The following FGD4 variants were observed in gnomAD, a reference collection of about 807,000 sequenced individuals.
The protein encoded by FGD4 is FYVE, RhoGEF and PH domain containing 4, also known as FYVE, RhoGEF and PH domain-containing protein 4.
Under a neutral mutation model 102.0 loss-of-function variants are expected in FGD4, and 42 were observed. The observed-to-expected ratio is 0.41, with a 90% confidence interval of 0.32 to 0.53. The LOEUF (loss-of-function observed/expected upper bound fraction) is 0.53, where lower values mean the gene tolerates loss of function less well. Ranked by LOEUF, FGD4 falls within the 20% of genes least tolerant of loss-of-function variation. The pLI is 0.21. For missense variants in FGD4, 902 were observed against 1,078.2 expected, an observed-to-expected ratio of 0.84 and a Z score of 2.29; for synonymous variants, 380 against 375.7, an observed-to-expected ratio of 1.01 and a Z score of -0.13.
At chr12:32,518,316 T>A (rs1482346644) in intron 1 of FGD4, among the ~76,000 whole-genome samples, 1 of 152,148 alleles carries the variant, frequency 6.6e-6, no homozygotes, top group Admixed American at 6.5e-5. Flanking sequence ...CCGTCTCTAC[T>A]AAAAATACAA....
At chr12:32,451,513 A>G (rs74884250) in intron 1 of FGD4, among the ~76,000 whole-genome samples, 5,808 of 152,252 alleles carry the variant, frequency 0.038, 172 homozygotes, top group South Asian at 0.12. Context: ...TTTTAAAATT[A>G]TATCAAAGAG....
At chr12:32,622,939 C>T (rs993927073) in intron 11 of FGD4, among the ~76,000 whole-genome samples, 2 of 152,108 alleles carry the variant, frequency 1.3e-5, no homozygotes, top group African/African-American at 4.8e-5. Context: ...CCAAGAAAGT[C>T]AGAGTGCCAT....
intron 1 of FGD4, among the ~76,000 whole-genome samples, chr12:32,523,804 CT>C (rs1940804258): frequency 6.6e-6 from 1 of 151,408 alleles, no homozygotes; most frequent in Non-Finnish European, 1.5e-5. Flanking sequence ...GAAACCCCGA[CT>C]CTGCTAAAAA....
At chr12:32,499,581 G>T (rs1938036908) in intron 1 of FGD4, among the ~76,000 whole-genome samples, 2 of 152,142 alleles carry the variant, frequency 1.3e-5, no homozygotes, top group Non-Finnish European at 2.9e-5. Context: ...TAAAAAATAT[G>T]TATAAGAGGA....
chr12:32,619,342 T>C (rs1592429704), intron 10 of FGD4, among the ~76,000 whole-genome samples: 1 of 152,122 alleles, frequency 6.6e-6, no homozygotes, highest in East Asian at 1.9e-4. Context: ...AATTGATCTG[T>C]TTCCAGCCGG....
intron 4 of FGD4, among the ~76,000 whole-genome samples, chr12:32,584,208 G>A (rs1300818660): frequency 6.6e-6 from 1 of 152,178 alleles, no homozygotes; most frequent in Admixed American, 6.5e-5. Flanking sequence ...TCTCTGCAGA[G>A]CGGTTGATGC....
At chr12:32,537,631 C>G (rs1052712747) in intron 1 of FGD4, among the ~76,000 whole-genome samples, 1 of 152,198 alleles carries the variant, frequency 6.6e-6, no homozygotes, top group African/African-American at 2.4e-5. Flanking sequence ...AATATGCTCC[C>G]TAGTCTATCC....
At chr12:32,577,751 C>T (rs567419500) in intron 3 of FGD4, among the ~76,000 whole-genome samples, 2 of 151,828 alleles carry the variant, frequency 1.3e-5, no homozygotes, top group Admixed American at 6.6e-5. Context: ...CCATTTAAAA[C>T]TTTTTTTTTG....
At position 32,407,972 on chromosome 12, in the gene FGD4, CTTTATTTA is replaced by C. The variant is rs59676286; in HGVS notation, c.166+8046_166+8053del. 7.3e-3 allele frequency among the ~76,000 whole-genome samples: 1,069 copies of C among 145,628 alleles called. 11 individuals carry two copies. The highest frequency in any genetic ancestry group is 0.036 in the South Asian group (160 of 4,500). On this transcript the variant is annotated intron_variant, in intron 1 of 16. Transcript: ENST00000534526. ...TCACCCCCAATGAGGTAATCCTAGACTTTATTTATTTATTTATTTATTTATTTATTTAT... is the reference window on the plus strand; with the variant it reads ...TCACCCCCAATGAGGTAATCCTAGACTTTATTTATTTATTTATTTATTTAT...
rs1346461540 is a variant in FGD4 at position 32,544,676 on chromosome 12, G to C, written c.167-19461G>C. 6.6e-6 allele frequency among the ~76,000 whole-genome samples: 1 copy of C among 151,970 alleles called. No homozygotes were observed. Among genetic ancestry groups the C allele is most frequent in the Non-Finnish European group, 1.5e-5 (1 of 68,020 alleles). ...TGAGCCAGGAAGTGGAGGTTGCAGT[G>C]AGTTGAGATCGCACCATTGCACTCC... On this transcript the variant is annotated intron_variant, in intron 1 of 16. Transcript: ENST00000534526. This position sits in a 1 kb window ranked among gnomAD's most constrained non-coding sequence, Gnocchi z 4.1.
At chr12:32,639,216 T>C (rs7306370) in intron 16 of FGD4, among the ~76,000 whole-genome samples, 66,674 of 152,094 alleles carry the variant, frequency 0.44, 15,009 homozygotes, top group Middle Eastern at 0.62. Flanking sequence ...CAGGCTATAG[T>C]GCAATGGTGC....
At chr12:32,571,032 C>CT (rs1418122443) in intron 2 of FGD4, among the ~76,000 whole-genome samples, 6 of 152,174 alleles carry the variant, frequency 3.9e-5, no homozygotes, top group African/African-American at 1.4e-4. Context: ...AGGTCGGGTT[C>CT]TTTCGTGTGT....
At chr12:32,626,684 A>G (rs931793045) in intron 14 of FGD4, among the ~76,000 whole-genome samples, 1 of 152,150 alleles carries the variant, frequency 6.6e-6, no homozygotes, top group Non-Finnish European at 1.5e-5. Flanking sequence ...CCACAGTACA[A>G]GTAGATGTTC....
chr12:32,498,863 A>C (rs1015490135), intron 1 of FGD4, among the ~76,000 whole-genome samples: 3 of 152,194 alleles, frequency 2.0e-5, no homozygotes, highest in Non-Finnish European at 2.9e-5. Flanking sequence ...GGCCTCCCAA[A>C]GTGCTGGGAT....
At chr12:32,638,518 T>C (rs1185980311) in intron 15 of FGD4, 137 bp from the exon 16 acceptor site, 3 of 1,194,224 alleles carry the variant, frequency 2.5e-6, no homozygotes, top group Admixed American at 4.2e-5. Flanking sequence ...CATGTTAAAA[T>C]GTTTAAACAA....
In FGD4 at chr12:32,615,649, G is replaced by C. The variant is rs147139129; in HGVS notation, c.1750-4049G>C. ...ACTGCCATCGGAAGGGCAGATCGGGGTGGGGTGGGGGTGTGGCATATGAAG... is the reference window on the plus strand; with the variant it reads ...ACTGCCATCGGAAGGGCAGATCGGGCTGGGGTGGGGGTGTGGCATATGAAG... On this transcript the variant is annotated intron_variant, in intron 10 of 16. Transcript: ENST00000534526. 4.7e-4 allele frequency among the ~76,000 whole-genome samples: 72 copies of C among 152,086 alleles called. 1 individual carries two copies. The East Asian group carries it at 0.012, about 26-fold the overall frequency.
intron 1 of FGD4, among the ~76,000 whole-genome samples, chr12:32,413,546 C>G (rs1287944237): frequency 2.0e-5 from 3 of 152,154 alleles, no homozygotes; most frequent in African/African-American, 7.2e-5. Flanking sequence ...GAGGAAGGCA[C>G]ACTTTGGACT....
intron 1 of FGD4, among the ~76,000 whole-genome samples, chr12:32,403,535 G>A (rs1215105536): frequency 1.3e-5 from 2 of 150,780 alleles, no homozygotes; most frequent in African/African-American, 2.4e-5. Flanking sequence ...TGAGGATGAA[G>A]TATGCTGTGT....
chr12:32,573,318 A>C (rs187004985), intron 2 of FGD4, among the ~76,000 whole-genome samples: 2 of 152,150 alleles, frequency 1.3e-5, no homozygotes, highest in East Asian at 3.9e-4. Flanking sequence ...GTTGGTCTCG[A>C]TCTCCTGACC....
Sources: gnomAD v4.1 joint callset for allele counts (sites outside exome capture counted in the v4.1 genomes callset) on GRCh38, gnomAD v4.1.1 for gene constraint, Gnocchi (gnomAD v3.1) non-coding constraint, MANE v1.5 for transcripts, NCBI Gene and HGNC (gene_info 2026-07-23, HGNC 2026-07-21) for gene names.